COPS4: variants seen among roughly 807,000 people sequenced by gnomAD.
The protein encoded by COPS4 is COP9 signalosome subunit 4, also known as COP9 signalosome complex subunit 4.
In COPS4, 8 loss-of-function variants were observed where a neutral mutation model predicts 55.1. That is an observed-to-expected ratio of 0.15 (90% CI 0.09 to 0.26). The LOEUF (loss-of-function observed/expected upper bound fraction) is 0.26, where lower values mean the gene tolerates loss of function less well. Ranked by LOEUF, COPS4 falls within the 10% of genes least tolerant of loss-of-function variation. COPS4 has a pLI of 1.00. For synonymous variants in COPS4, 185 were observed against 165.7 expected (o/e 1.12, Z -0.90); for missense variants, 248 against 484.0 (o/e 0.51, Z 4.58).
chr4:83,046,596 G>A (rs372238834), intron 2 of COPS4, among the ~76,000 whole-genome samples: 94 of 152,142 alleles, frequency 6.2e-4, no homozygotes, highest in African/African-American at 2.2e-3. Flanking sequence ...AAAATACTAC[G>A]CACACATTAA....
Position 83,057,314 on chromosome 4 carries a change from G to A in COPS4, c.621G>A (p.Arg207=), listed in dbSNP as rs781036672. Residue 207 remains arginine (R), a synonymous_variant, in exon 6 of 10, where the codon AGG becomes AGA. Transcript: ENST00000264389. ...GAAAATTCATTGAAGCTGCACAAAGGTACAATGAGCTCTCTTACAAGACAA... is the reference window on the plus strand; with the variant it reads ...GAAAATTCATTGAAGCTGCACAAAGATACAATGAGCTCTCTTACAAGACAA... The part of the protein sequence containing the change: ...YRRKFIEAAQ[R]YNELSYKTIV... The A allele has an allele frequency of 6.2e-7, 1 of 1,613,154 alleles. No individual in the cohort carries two copies. Among genetic ancestry groups the A allele is most frequent in the Non-Finnish European group, 8.5e-7 (1 of 1,179,444 alleles).
chr4:83,057,146 G>A (rs1578713652), intron 5 of COPS4, 67 bp downstream of exon 5: 3 of 1,502,062 alleles, frequency 2.0e-6, no homozygotes, highest in East Asian at 4.6e-5. Context: ...GATGTTCCAG[G>A]ACATCTGATA....
intron 1 of COPS4, among the ~76,000 whole-genome samples, chr4:83,039,362 G>A (rs555020428): frequency 6.6e-6 from 1 of 152,306 alleles, no homozygotes; most frequent in East Asian, 1.9e-4. Flanking sequence ...CACATACAAG[G>A]CCTCTCGAGG....
intron 3 of COPS4, chr4:83,049,559 A>T (rs1404518565): frequency 6.2e-6 from 3 of 483,324 alleles, no homozygotes; most frequent in African/African-American, 4.0e-5. Flanking sequence ...ACAATTTTTT[A>T]AAATCAGTAA....
chr4:83,035,574 G>T, intron 1 of COPS4: 1 of 308,686 alleles, frequency 3.2e-6, no homozygotes, highest in Non-Finnish European at 6.5e-6. Flanking sequence ...TTTTGGAACA[G>T]CGGTCTGAGA....
At chr4:83,064,899 T>A (rs1038872509) in intron 7 of COPS4, among the ~76,000 whole-genome samples, 13 of 133,108 alleles carry the variant, frequency 9.8e-5, no homozygotes, top group African/African-American at 3.5e-4. Flanking sequence ...TTTTTTTTTT[T>A]TACTTTTTGA....
Position 83,049,239 on chromosome 4 carries a change from G to A in COPS4, c.228G>A (p.Leu76=). 2 of 1,610,912 alleles carry A rather than the reference G, an allele frequency of 1.2e-6. No homozygotes were observed. The highest frequency in any genetic ancestry group is 1.1e-5 in the South Asian group (1 of 90,610). ...ATTTTTGCACACATCTTCCTAACTT[G>A]CCTGATAGCACAGCCAAAGAAATCT... ...LTDFCTHLPN[L]PDSTAKEIYH... Residue 76 remains leucine, a synonymous_variant, in exon 3 of 10, where the codon TTG becomes TTA. Transcript: ENST00000264389.
At chr4:83,050,011 A>ACTATATATACATC in intron 4 of COPS4, 27 bp downstream of exon 4, 1 of 1,338,968 alleles carries the variant, frequency 7.5e-7, no homozygotes, top group Non-Finnish European at 1.1e-6. Context: ...ATATTGGATG[A>ACTATATATACATC]CTATATATAG....
chr4:83,058,511 G>A (rs1731071825), intron 6 of COPS4, among the ~76,000 whole-genome samples: 1 of 152,094 alleles, frequency 6.6e-6, no homozygotes, highest in South Asian at 2.1e-4. Context: ...GAGCCACCAC[G>A]TCCATTCCAT....
intron 2 of COPS4, among the ~76,000 whole-genome samples, chr4:83,048,662 GAC>G (rs1189950986): frequency 1.3e-5 from 2 of 151,880 alleles, no homozygotes; most frequent in African/African-American, 4.8e-5. Flanking sequence ...TTAATTTTGA[GAC>G]AGAGTCTAGC....
intron 4 of COPS4, among the ~76,000 whole-genome samples, chr4:83,054,038 G>A (rs1730955740): frequency 6.6e-6 from 1 of 151,886 alleles, no homozygotes; most frequent in African/African-American, 2.4e-5. Context: ...GGTACCAACT[G>A]TGAAGGACTT....
At chr4:83,066,354 CCT>C (rs1731292323) in intron 7 of COPS4, 82 bp from the exon 8 acceptor site, 4 of 633,968 alleles carry the variant, frequency 6.3e-6, no homozygotes, top group Non-Finnish European at 1.1e-5. Context: ...TTATTACGTG[CCT>C]AGACATTTTC....
chr4:83,060,102 G>C (rs1044529177), intron 6 of COPS4, among the ~76,000 whole-genome samples: 2 of 152,052 alleles, frequency 1.3e-5, no homozygotes, highest in Admixed American at 1.3e-4. Context: ...CAGATGTGTA[G>C]CTGGAAAAGA....
At chr4:83,061,447 G>A (rs1731162707) in intron 6 of COPS4, among the ~76,000 whole-genome samples, 1 of 151,874 alleles carries the variant, frequency 6.6e-6, no homozygotes, top group South Asian at 2.1e-4. Flanking sequence ...ATTCATTCTT[G>A]TCTTCTTTTG....
At chr4:83,036,822 C>T (rs1177717660) in intron 1 of COPS4, among the ~76,000 whole-genome samples, 45 of 152,032 alleles carry the variant, frequency 3.0e-4, no homozygotes, top group Non-Finnish European at 1.5e-5. Context: ...GCTTCCTTTA[C>T]TTTTTATTTT....
intron 8 of COPS4, 67 bp from the exon 9 acceptor site, chr4:83,068,371 C>T: frequency 9.3e-7 from 1 of 1,075,392 alleles, no homozygotes; most frequent in Non-Finnish European, 1.4e-6. Context: ...GCTTTCTGTT[C>T]TCTTTTCATA....
intron 1 of COPS4, among the ~76,000 whole-genome samples, chr4:83,043,429 G>A (rs774005538): frequency 9.4e-5 from 14 of 148,416 alleles, no homozygotes; most frequent in Non-Finnish European, 1.9e-4. Context: ...AGAAGCAGGA[G>A]GATTGTTTGA....
chr4:83,042,851 TG>T (rs922763499), intron 1 of COPS4, among the ~76,000 whole-genome samples: 4 of 152,070 alleles, frequency 2.6e-5, no homozygotes, highest in Non-Finnish European at 5.9e-5. Context: ...GCCATCTGAC[TG>T]CCTTGGCCTC....
At chr4:83,066,281 A>G (rs534263602) in intron 7 of COPS4, among the ~76,000 whole-genome samples, 157 bp from the exon 8 acceptor site, 5 of 152,362 alleles carry the variant, frequency 3.3e-5, no homozygotes, top group African/African-American at 1.2e-4. Flanking sequence ...TTGTACATTA[A>G]TGAAACTACA....
Sources: allele counts gnomAD v4.1 joint callset (sites outside exome capture counted in the v4.1 genomes callset), GRCh38; gene constraint gnomAD v4.1.1; transcripts MANE v1.5; gene names NCBI Gene and HGNC (gene_info 2026-07-23, HGNC 2026-07-21).